Variants in TRPC3 observed in about 807,000 individuals in gnomAD.
The protein encoded by TRPC3 is short transient receptor potential channel 3.
A neutral mutation model predicts 90.9 loss-of-function variants in TRPC3; 54 were observed. That is an observed-to-expected ratio of 0.59 (90% CI 0.48 to 0.75). The LOEUF (loss-of-function observed/expected upper bound fraction) is 0.75. Among genes scored for constraint, TRPC3 ranks in the 30% least tolerant of loss-of-function variants. TRPC3 has a pLI of 0.00. For synonymous variants in TRPC3, 424 were observed against 450.9 expected (o/e 0.94, Z 0.75); for missense variants, 918 against 1,194.5 (o/e 0.77, Z 3.41).
Position 121,878,516 on chromosome 4 carries a change from G to T in TRPC3, c.*1220C>A, listed in dbSNP as rs529307393. Among the ~76,000 whole-genome samples the T allele has an allele frequency of 8.1e-4, 124 of 152,274 alleles. 5 individuals are homozygous for T. Among genetic ancestry groups the T allele is most frequent in the African/African-American group, 2.9e-3 (120 of 41,546 alleles). ...AACCTAGCTGGTTAAAAAATGCTTT[G>T]AGTGTTTTATAGTCTCTGAAGTGAC... On this transcript the variant is annotated 3_prime_UTR_variant, in exon 12 of 12. Transcript: ENST00000379645.
intron 3 of TRPC3, among the ~76,000 whole-genome samples, chr4:121,923,495 G>T (rs925282237): frequency 3.9e-5 from 6 of 152,192 alleles, no homozygotes; most frequent in African/African-American, 1.4e-4. Context: ...TAGCTTAAGA[G>T]TCATCACTCT....
chr4:121,932,608 T>TAC lies in TRPC3; in HGVS notation c.649_650insGT (p.Asp217GlyfsTer38). 2 of 1,613,900 alleles carry TAC rather than the reference T, an allele frequency of 1.2e-6. No individual in the cohort carries two copies. Among genetic ancestry groups the TAC allele is most frequent in the Non-Finnish European group, 1.7e-6 (2 of 1,179,844 alleles). On this transcript the variant is annotated frameshift_variant, in exon 2 of 12. Coordinates refer to ENST00000379645, the MANE Select transcript of TRPC3 (RefSeq NM_001130698.2). LOFTEE classifies it high-confidence loss of function. The surrounding 1 kb of genome is among the most constrained non-coding windows in gnomAD (Gnocchi z 7.7). ...CTCGTCGTAAGCGTAGAAGTCGTCG[T>TAC]CCTGCAGCTCCTGCTCACAGGGGCT...
intron 1 of TRPC3, among the ~76,000 whole-genome samples, chr4:121,936,135 T>C (rs1730121131): frequency 6.6e-6 from 1 of 152,242 alleles, no homozygotes; most frequent in African/African-American, 2.4e-5. Context: ...CATCTTATGA[T>C]AAATTCACAA....
In TRPC3 at chr4:121,932,644, C is replaced by T. The variant is rs1469309386; in HGVS notation, c.614G>A (p.Arg205His). ...CTGCTCACAGGGGCTCAGAGTGAGA[C>T]GCTTGCTGGCCGCGAAGCCAGGGTG... ...LNHPGFAASK[R>H]LTLSPCEQEL... Residue 205 changes from arginine (R) to histidine (H), a missense_variant, in exon 2 of 12, where the codon CGT becomes CAT. Coordinates refer to ENST00000379645, the MANE Select transcript of TRPC3 (RefSeq NM_001130698.2). The surrounding 1 kb of genome is among the most constrained non-coding windows in gnomAD (Gnocchi z 7.7). The T allele has an allele frequency of 1.2e-6, 2 of 1,612,456 alleles. No homozygotes were observed. The highest frequency in any genetic ancestry group is 1.7e-6 in the Non-Finnish European group (2 of 1,178,792).
In TRPC3 at chr4:121,879,709, A is replaced by G; in HGVS notation, c.*27T>C. The G allele has an allele frequency of 1.3e-6, 2 of 1,594,406 alleles. No homozygotes were observed. The highest frequency in any genetic ancestry group is 1.7e-6 in the Non-Finnish European group (2 of 1,173,570). On this transcript the variant is annotated 3_prime_UTR_variant, in exon 12 of 12. Transcript: ENST00000379645. ...ATATTATTGCCCACATTTGTGCTAT[A>G]GTCAAAGCCAAATCCAGGTTGCTGC...
intron 11 of TRPC3, among the ~76,000 whole-genome samples, chr4:121,880,562 A>G (rs1422601064): frequency 2.0e-5 from 3 of 152,202 alleles, no homozygotes; most frequent in East Asian, 3.8e-4. Flanking sequence ...AATTGCTCCC[A>G]TAATTCAGTT....
intron 10 of TRPC3, among the ~76,000 whole-genome samples, chr4:121,892,098 G>C (rs1246779448): frequency 6.6e-6 from 1 of 152,126 alleles, no homozygotes; most frequent in Non-Finnish European, 1.5e-5. Flanking sequence ...GAGAGGAAGG[G>C]GGAAAATGGT....
chr4:121,892,378 C>T (rs565659181), intron 10 of TRPC3, among the ~76,000 whole-genome samples: 2 of 152,236 alleles, frequency 1.3e-5, no homozygotes, highest in East Asian at 3.9e-4. Context: ...ACAGAAATTT[C>T]TTATAGGAAG....
chr4:121,942,970 C>G (rs534758581), intron 1 of TRPC3, among the ~76,000 whole-genome samples: 23 of 152,316 alleles, frequency 1.5e-4, no homozygotes, highest in African/African-American at 5.3e-4. Flanking sequence ...CTGTGTATAA[C>G]TCCATTAAAC....
intron 11 of TRPC3, among the ~76,000 whole-genome samples, chr4:121,881,589 C>T (rs1370104388): frequency 6.6e-6 from 1 of 152,132 alleles, no homozygotes; most frequent in Admixed American, 6.6e-5. Flanking sequence ...AAAATGCATT[C>T]CTTGTATTAA....
In TRPC3 at chr4:121,910,390, G is replaced by T; in HGVS notation, c.1559-3C>A. The T allele has an allele frequency of 6.2e-7, 1 of 1,612,186 alleles. No individual in the cohort carries two copies. Among genetic ancestry groups the T allele is most frequent in the Non-Finnish European group, 8.5e-7 (1 of 1,178,680 alleles). The stretch of plus-strand genomic sequence containing the variant: ...TTTACATTCAGACCACATCATTCCT[G>T]TCACAACAAATACAGAGGGTGCAGG... On this transcript the variant is annotated splice_region_variant and splice_polypyrimidine_tract_variant and intron_variant, in intron 5 of 11. Coordinates refer to ENST00000379645, the MANE Select transcript of TRPC3 (RefSeq NM_001130698.2).
intron 1 of TRPC3, chr4:121,950,397 T>A (rs1273543954): frequency 2.0e-5 from 3 of 152,260 alleles, no homozygotes; most frequent in Admixed American, 6.5e-5. Flanking sequence ...GAGAACCACC[T>A]CCCCGGCTCA....
Position 121,907,451 on chromosome 4 carries a change from CA to C in TRPC3, c.1908del (p.Phe636LeufsTer12). 6.2e-7 allele frequency: 1 copy of C among 1,613,290 alleles called. No individual in the cohort carries two copies. ...IAYILPANES[F>X]GPLQISLGRT... ...CTTCCAAGAGAGATCTGCAGGGGGCCAAAGCTCTCATTTGCAGGGAGGATGT... is the reference window on the plus strand; with the variant it reads ...CTTCCAAGAGAGATCTGCAGGGGGCCAAGCTCTCATTTGCAGGGAGGATGT... On this transcript the variant is annotated frameshift_variant, in exon 7 of 12. Transcript: ENST00000379645. LOFTEE classifies it high-confidence loss of function.
chr4:121,949,402 C>T (rs1388141244), intron 1 of TRPC3, among the ~76,000 whole-genome samples: 1 of 152,152 alleles, frequency 6.6e-6, no homozygotes, highest in African/African-American at 2.4e-5. Flanking sequence ...TGGGATTGTA[C>T]CCTCAGCATC....
chr4:121,907,030 C>T (rs970556073), intron 7 of TRPC3, among the ~76,000 whole-genome samples: 1 of 151,982 alleles, frequency 6.6e-6, no homozygotes, highest in Non-Finnish European at 1.5e-5. Flanking sequence ...AAGAGACATC[C>T]AGTATTAGAA....
intron 1 of TRPC3, among the ~76,000 whole-genome samples, chr4:121,934,398 A>G (rs1020714934): frequency 5.9e-5 from 9 of 152,170 alleles, no homozygotes; most frequent in African/African-American, 1.9e-4. Flanking sequence ...TATTGTATAA[A>G]TCTGTATCTT....
chr4:121,895,002 A>G (rs1048782571), intron 10 of TRPC3, among the ~76,000 whole-genome samples: 39 of 152,322 alleles, frequency 2.6e-4, no homozygotes, highest in African/African-American at 8.7e-4. Context: ...AGACATCATA[A>G]CAAAAGGCAC....
chr4:121,905,903 T>C (rs1487195968), intron 7 of TRPC3, among the ~76,000 whole-genome samples: 1 of 151,846 alleles, frequency 6.6e-6, no homozygotes, highest in African/African-American at 2.4e-5. Flanking sequence ...GACAGAAGAG[T>C]AAGAAAAACT....
intron 10 of TRPC3, among the ~76,000 whole-genome samples, chr4:121,891,447 C>A (rs1331261900): frequency 1.3e-5 from 2 of 152,064 alleles, no homozygotes; most frequent in African/African-American, 2.4e-5. Flanking sequence ...AAAACTAAAC[C>A]AAATGTAGGC....
Sources: gnomAD v4.1 joint callset for allele counts (sites outside exome capture counted in the v4.1 genomes callset) on GRCh38, gnomAD v4.1.1 for gene constraint, Gnocchi (gnomAD v3.1) non-coding constraint, MANE v1.5 for transcripts, NCBI Gene and HGNC (gene_info 2026-07-23, HGNC 2026-07-21) for gene names.